Variants in ZNF234 observed in about 807,000 individuals in gnomAD.
ZNF234 encodes C2-H2 type zinc finger protein.
Under a neutral mutation model 10.3 loss-of-function variants are expected in ZNF234, and 4 were observed. The ratio of observed to expected loss-of-function variants is 0.39; its 90% confidence interval spans 0.19 to 0.89. The LOEUF (loss-of-function observed/expected upper bound fraction) is 0.89, where lower values mean the gene tolerates loss of function less well. Among genes scored for constraint, ZNF234 ranks in the 40% least tolerant of loss-of-function variants. The pLI is 0.38. For missense variants in ZNF234, 711 were observed against 836.1 expected, an observed-to-expected ratio of 0.85 and a Z score of 1.85; for synonymous variants, 258 against 280.1, an observed-to-expected ratio of 0.92 and a Z score of 0.79.
chr19:44,146,549 TG>T (rs1968598267), intron 3 of ZNF234, among the ~76,000 whole-genome samples: 1 of 152,190 alleles, frequency 6.6e-6, no homozygotes, highest in South Asian at 2.1e-4. Context: ...GTGAGGTTTT[TG>T]GTAAGTGTTT....
Position 44,159,029 on chromosome 19 carries a change from T to C in ZNF234, c.*910T>C, listed in dbSNP as rs1968978568. On this transcript the variant is annotated 3_prime_UTR_variant, in exon 6 of 6. Coordinates refer to ENST00000426739, the MANE Select transcript of ZNF234 (RefSeq NM_006630.3). Reference sequence around the variant, plus strand: ...CATTTGTTGAAATGCAGAAAACCACTGGATACTGCAGCCTACAATATTAAT... The same window carrying C: ...CATTTGTTGAAATGCAGAAAACCACCGGATACTGCAGCCTACAATATTAAT... 6.6e-6 allele frequency: 1 copy of C among 152,196 alleles called. No individual in the cohort carries two copies. Among genetic ancestry groups the C allele is most frequent in the African/African-American group, 2.4e-5 (1 of 41,448 alleles). The allele number at this position is 152,196 out of a possible 1,614,324, so 9.4% of individuals were successfully genotyped here. A position where few individuals can be genotyped will look rare whatever the true frequency, so the allele number is the denominator to read the frequency against.
chr19:44,147,071 C>T (rs1045263193), intron 3 of ZNF234, among the ~76,000 whole-genome samples: 14 of 152,014 alleles, frequency 9.2e-5, no homozygotes, highest in African/African-American at 3.4e-4. Context: ...GCCTCGGCCT[C>T]CCAAAGTGCT....
At chr19:44,154,821 G>A (rs1156545960) in intron 5 of ZNF234, among the ~76,000 whole-genome samples, 2 of 151,638 alleles carry the variant, frequency 1.3e-5, no homozygotes, top group African/African-American at 4.8e-5. Context: ...TTTTTTTGTA[G>A]GGCCAGAGTC....
chr19:44,157,266 T>C lies in ZNF234; in HGVS notation c.1250T>C (p.Val417Ala). 1 of 1,613,782 alleles carries C rather than the reference T, an allele frequency of 6.2e-7. No homozygotes were observed. The highest frequency in any genetic ancestry group is 8.5e-7 in the Non-Finnish European group (1 of 1,179,896). ...KSFRMKIHYQ[V>A]HLVVHTGEKP... is the part of the protein sequence containing the mutation. The stretch of plus-strand genomic sequence containing the variant: ...TTCAGAATGAAAATTCATTATCAAG[T>C]GCATCTGGTAGTCCACACAGGGGAA... Residue 417 changes from valine (V) to alanine (A), a missense_variant, in exon 6 of 6, where the codon GTG (valine) becomes GCG (alanine). Val to Ala is a moderately conservative substitution (Grantham distance 64). Transcript: ENST00000426739.
At chr19:44,155,755 AT>A (rs576130935) in intron 5 of ZNF234, among the ~76,000 whole-genome samples, 72 of 151,346 alleles carry the variant, frequency 4.8e-4, no homozygotes, top group East Asian at 2.1e-3. Context: ...TATTATCTAC[AT>A]TTTTTTTTAA....
At position 44,158,283 on chromosome 19, in the gene ZNF234, G is replaced by T. The variant is rs1312297442; in HGVS notation, c.*164G>T. 4 of 800,024 alleles carry T rather than the reference G, an allele frequency of 5.0e-6. No homozygotes were observed. The highest frequency in any genetic ancestry group is 8.2e-6 in the Non-Finnish European group (4 of 485,748). 49.6% of individuals were successfully genotyped at this position (800,024 alleles called of 1,614,324 possible). A position where few individuals can be genotyped will look rare whatever the true frequency, so the allele number is the denominator to read the frequency against. On this transcript the variant is annotated 3_prime_UTR_variant, in exon 6 of 6. Coordinates refer to ENST00000426739, the MANE Select transcript of ZNF234 (RefSeq NM_006630.3). Reference sequence around the variant, plus strand: ...GTTTTTTATTTTTTGTTTTGAAACAGAATCTCGCTCTGTTGCCCATGCTGG... The same window carrying T: ...GTTTTTTATTTTTTGTTTTGAAACATAATCTCGCTCTGTTGCCCATGCTGG...
At chr19:44,148,984 A>G in intron 4 of ZNF234, 87 bp downstream of exon 4, 1 of 1,472,038 alleles carries the variant, frequency 6.8e-7, no homozygotes, top group Non-Finnish European at 9.1e-7. Context: ...GAGGTCTTGA[A>G]TTAGTCGCCT....
At position 44,144,550 on chromosome 19, in the gene ZNF234, T is replaced by C. The variant is rs1968545756; in HGVS notation, c.-76-7T>C. 3 of 1,319,940 alleles carry C rather than the reference T, an allele frequency of 2.3e-6. No individual in the cohort carries two copies. The highest frequency in any genetic ancestry group is 3.0e-6 in the Non-Finnish European group (3 of 986,874). 81.8% of individuals were successfully genotyped at this position (1,319,940 alleles called of 1,614,324 possible). On this transcript the variant is annotated splice_region_variant and splice_polypyrimidine_tract_variant and intron_variant, in intron 2 of 5. Transcript: ENST00000426739. ...CGCTTTCATGTCTCTTTTTGTGTCT[T>C]CCATAGTGTTCCAGGCACGATTCTG...
Position 44,157,638 on chromosome 19 carries a change from A to C in ZNF234, c.1622A>C (p.Lys541Thr). 6.2e-7 allele frequency: 1 copy of C among 1,613,884 alleles called. No homozygotes were observed. Among genetic ancestry groups the C allele is most frequent in the South Asian group, 1.1e-5 (1 of 91,064 alleles). Residue 541 changes from lysine to threonine, a missense_variant, in exon 6 of 6, where the codon AAA becomes ACA. Physicochemically the swap from Lys to Thr is moderately conservative, Grantham distance 78. Coordinates refer to ENST00000426739, the MANE Select transcript of ZNF234 (RefSeq NM_006630.3). Reference protein sequence around the residue: ...QRVHSGEKPFKCEECGKSFSR... With the variant: ...QRVHSGEKPFTCEECGKSFSR... ...GTTCACAGTGGGGAAAAACCATTTA[A>C]ATGTGAAGAGTGTGGGAAGAGCTTC...
intron 2 of ZNF234, among the ~76,000 whole-genome samples, chr19:44,144,063 A>G (rs2147601317): frequency 6.6e-6 from 1 of 152,328 alleles, no homozygotes; most frequent in Non-Finnish European, 1.5e-5. Flanking sequence ...TGTACAATTC[A>G]GTAATCTTTA....
rs369943656 is a variant in ZNF234, at chr19:44,154,217, G to A, written c.236-2035G>A. On this transcript the variant is annotated intron_variant, in intron 5 of 5. Transcript: ENST00000426739. ...TTCCTCCCTGAATATAACTCCTGCT[G>A]TGGGGGTGGCTTTCAAAGTTTACAC... 3.9e-5 allele frequency among the ~76,000 whole-genome samples: 6 copies of A among 152,282 alleles called. No individual in the cohort carries two copies. In the South Asian group the frequency reaches 6.2e-4, roughly 16 times the overall value.
At chr19:44,142,553 G>C (rs1234067862) in intron 2 of ZNF234, among the ~76,000 whole-genome samples, 186 bp downstream of exon 2, 1 of 152,166 alleles carries the variant, frequency 6.6e-6, no homozygotes, top group Non-Finnish European at 1.5e-5. Context: ...AGTAGTAAGA[G>C]GTGAAACTTG....
At chr19:44,147,501 G>C (rs1267461201) in intron 3 of ZNF234, among the ~76,000 whole-genome samples, 1 of 152,068 alleles carries the variant, frequency 6.6e-6, no homozygotes, top group African/African-American at 2.4e-5. Flanking sequence ...GCCTCCCAAA[G>C]TGCTGGGATT....
Position 44,144,785 on chromosome 19 carries a change from T to C in ZNF234, c.15+138T>C, listed in dbSNP as rs1035769983. 5 of 679,924 alleles carry C rather than the reference T, an allele frequency of 7.4e-6. No individual in the cohort carries two copies. The South Asian group carries it at 2.1e-4, about 29-fold the overall frequency. The allele number at this position is 679,924 out of a possible 1,614,324, so 42.1% of individuals were successfully genotyped here. A position where few individuals can be genotyped will look rare whatever the true frequency, so the allele number is the denominator to read the frequency against. On this transcript the variant is annotated intron_variant, in intron 3 of 5. Transcript: ENST00000426739. Reference sequence around the variant, plus strand: ...CCTTCTGCCTTTTGAGTTGACTTTGTTTTTAGATGTTGTTTATTTTATTAT... The same window carrying C: ...CCTTCTGCCTTTTGAGTTGACTTTGCTTTTAGATGTTGTTTATTTTATTAT...
chr19:44,152,731 A>G (rs1384185973), intron 5 of ZNF234, among the ~76,000 whole-genome samples: 1 of 152,174 alleles, frequency 6.6e-6, no homozygotes, highest in African/African-American at 2.4e-5. Flanking sequence ...GGTGTCAGAT[A>G]GTAACTAGGT....
intron 3 of ZNF234, among the ~76,000 whole-genome samples, chr19:44,145,361 G>A (rs993119620): frequency 1.3e-5 from 2 of 151,966 alleles, no homozygotes; most frequent in African/African-American, 4.8e-5. Context: ...GGACATTTAG[G>A]TGATTTAAGA....
In ZNF234 at chr19:44,156,542, C is replaced by G. The variant is rs769274639; in HGVS notation, c.526C>G (p.His176Asp). ...ACAGTTACACTCAGGAGAGAAGTCTCATACATGTGATGAGTGTGGAAAAAG... is the reference window on the plus strand; with the variant it reads ...ACAGTTACACTCAGGAGAGAAGTCTGATACATGTGATGAGTGTGGAAAAAG... ...HQQLHSGEKS[H>D]TCDECGKSFC... is the part of the protein sequence containing the mutation. Residue 176 changes from histidine to aspartate, a missense_variant, in exon 6 of 6, where the codon CAT (histidine) becomes GAT (aspartate). Coordinates refer to ENST00000426739, the MANE Select transcript of ZNF234 (RefSeq NM_006630.3). 11 of 1,613,894 alleles carry G rather than the reference C, an allele frequency of 6.8e-6. No homozygotes were observed. In the African/African-American group the frequency reaches 1.2e-4, roughly 18 times the overall value.
At chr19:44,147,349 G>A (rs1225574363) in intron 3 of ZNF234, among the ~76,000 whole-genome samples, 1 of 151,508 alleles carries the variant, frequency 6.6e-6, no homozygotes. Flanking sequence ...CAATTCTCTC[G>A]CCTCAGCCTC....
rs1274159585 is a variant in ZNF234, at chr19:44,141,923, C to CT, written c.-131+196dup. 2 of 152,262 alleles carry CT rather than the reference C, an allele frequency of 1.3e-5. No homozygotes were observed. The highest frequency in any genetic ancestry group is 3.9e-4 in the East Asian group (2 of 5,182). 9.4% of individuals were successfully genotyped at this position (152,262 alleles called of 1,614,324 possible). On this transcript the variant is annotated intron_variant, in intron 1 of 5. Transcript: ENST00000426739. The surrounding 1 kb of genome is among the most constrained non-coding windows in gnomAD (Gnocchi z 4.6). The stretch of plus-strand genomic sequence containing the variant: ...TCCCTGCACTCCAGGCGCGCAGTCA[C>CT]TTTTTTACAGTGCAAGGTTGGCGTG...
Sources: gnomAD v4.1 joint callset for allele counts (sites outside exome capture counted in the v4.1 genomes callset) on GRCh38, gnomAD v4.1.1 for gene constraint, Gnocchi (gnomAD v3.1) non-coding constraint, MANE v1.5 for transcripts, NCBI Gene and HGNC (gene_info 2026-07-23, HGNC 2026-07-21) for gene names.